The following SPOCK1 variants were observed in gnomAD, a reference collection of about 807,000 sequenced individuals.
SPOCK1 encodes the protein SPARC (osteonectin), cwcv and kazal like domains proteoglycan 1, also known as testican-1.
Under a neutral mutation model 55.3 loss-of-function variants are expected in SPOCK1, and 23 were observed. That is an observed-to-expected ratio of 0.42 (90% CI 0.30 to 0.59). The LOEUF (loss-of-function observed/expected upper bound fraction) is 0.59. Ranked by LOEUF, SPOCK1 falls within the 20% of genes least tolerant of loss-of-function variation. SPOCK1 has a pLI of 0.22. For missense variants in SPOCK1, 499 were observed against 552.5 expected (o/e 0.90, Z 0.97); for synonymous variants, 226 against 221.0 (o/e 1.02, Z -0.20).
chr5:137,053,659 T>TG (rs1346907596), intron 6 of SPOCK1, among the ~76,000 whole-genome samples: 1 of 104,804 alleles, frequency 9.5e-6, no homozygotes, highest in African/African-American at 3.8e-5. Context: ...CCTTAATGGG[T>TG]GGGGGGTGGG....
At chr5:137,468,111 A>G (rs927666803) in intron 2 of SPOCK1, among the ~76,000 whole-genome samples, 16 of 152,208 alleles carry the variant, frequency 1.1e-4, no homozygotes, top group East Asian at 1.9e-4. Context: ...TCTCACTCCA[A>G]TGGATTGCTG....
chr5:137,283,840 A>G (rs1757215074), intron 2 of SPOCK1, among the ~76,000 whole-genome samples: 1 of 152,206 alleles, frequency 6.6e-6, no homozygotes, highest in South Asian at 2.1e-4. Context: ...ATGTGAAAAC[A>G]TTTTCTACTA....
rs141934684 is a variant in SPOCK1 at position 137,017,487 on chromosome 5, G to A, written c.590-24887C>T. Among the ~76,000 whole-genome samples, 166 of 152,252 alleles carry A rather than the reference G, an allele frequency of 1.1e-3. 1 individual carries two copies. Among genetic ancestry groups the A allele is most frequent in the African/African-American group, 3.7e-3 (153 of 41,540 alleles). ...TATGTAAACAAATAATATGTAAGTA[G>A]GGTCTTTGCTCTAATAATTAAAAAC... On this transcript the variant is annotated intron_variant, in intron 6 of 10. Transcript: ENST00000394945.
At chr5:137,432,705 C>T (rs1458345044) in intron 2 of SPOCK1, among the ~76,000 whole-genome samples, 3 of 152,036 alleles carry the variant, frequency 2.0e-5, no homozygotes, top group African/African-American at 4.8e-5. Context: ...ATACTTAATG[C>T]CACAGAAGTT....
intron 3 of SPOCK1, among the ~76,000 whole-genome samples, chr5:137,232,713 AC>A (rs1355184530): frequency 2.0e-5 from 3 of 152,182 alleles, no homozygotes; most frequent in Non-Finnish European, 4.4e-5. Flanking sequence ...ATCCATGTTT[AC>A]CAAAAAACCT....
At chr5:137,325,809 G>A (rs555867714) in intron 2 of SPOCK1, among the ~76,000 whole-genome samples, 131 of 152,330 alleles carry the variant, frequency 8.6e-4, no homozygotes, top group African/African-American at 2.8e-3. Flanking sequence ...TAGTTTACAC[G>A]GGGCAACCAG....
chr5:137,397,987 A>T (rs1374255596), intron 2 of SPOCK1, among the ~76,000 whole-genome samples: 3 of 152,172 alleles, frequency 2.0e-5, no homozygotes, highest in Admixed American at 6.5e-5. Flanking sequence ...ACCTAAAAGA[A>T]GGAAGATGAA....
At chr5:137,293,089 A>ATTTTTTTTTTTTTT (rs531537488) in intron 2 of SPOCK1, among the ~76,000 whole-genome samples, 13 of 100,844 alleles carry the variant, frequency 1.3e-4, no homozygotes, top group Non-Finnish European at 1.5e-4. Context: ...GGTTTGTTGA[A>ATTTTTTTTTTTTTT]TTTTTTTTTT....
chr5:137,425,544 T>C (rs1343160897), intron 2 of SPOCK1, among the ~76,000 whole-genome samples: 1 of 152,126 alleles, frequency 6.6e-6, no homozygotes, highest in Non-Finnish European at 1.5e-5. Flanking sequence ...AACACAGCAC[T>C]ACAAAGAACT....
chr5:137,114,239 G>A (rs376856802), intron 4 of SPOCK1, among the ~76,000 whole-genome samples: 7 of 152,190 alleles, frequency 4.6e-5, no homozygotes, highest in African/African-American at 1.4e-4. Context: ...CAACTTGCTT[G>A]TCTTACTAGC....
intron 2 of SPOCK1, among the ~76,000 whole-genome samples, chr5:137,451,279 C>A (rs1205033494): frequency 6.6e-6 from 1 of 152,152 alleles, no homozygotes; most frequent in Non-Finnish European, 1.5e-5. Flanking sequence ...CTCTGCTTAC[C>A]CCCAAACACT....
chr5:137,490,078 C>A (rs970548805), intron 2 of SPOCK1, among the ~76,000 whole-genome samples: 2 of 152,204 alleles, frequency 1.3e-5, no homozygotes, highest in Non-Finnish European at 2.9e-5. Flanking sequence ...ATCTTCTTCA[C>A]CCGACACCTA....
intron 2 of SPOCK1, among the ~76,000 whole-genome samples, chr5:137,489,559 G>C (rs1001843638): frequency 6.6e-6 from 1 of 152,162 alleles, no homozygotes; most frequent in Admixed American, 6.5e-5. Context: ...AATAGAGATG[G>C]CTGCAGAAGA....
intron 6 of SPOCK1, among the ~76,000 whole-genome samples, chr5:137,042,355 A>C (rs1383386493): frequency 1.3e-5 from 2 of 152,192 alleles, no homozygotes; most frequent in East Asian, 3.8e-4. Context: ...TTAGAGTAAT[A>C]AAACTATTTG....
chr5:137,444,959 G>A (rs1195924100), intron 2 of SPOCK1, among the ~76,000 whole-genome samples: 2 of 152,192 alleles, frequency 1.3e-5, no homozygotes, highest in African/African-American at 4.8e-5. Context: ...AAGAGGCTCT[G>A]ATCTTGGGTT....
chr5:137,156,197 AAT>A (rs1239768562), intron 3 of SPOCK1, among the ~76,000 whole-genome samples: 1 of 152,072 alleles, frequency 6.6e-6, no homozygotes, highest in African/African-American at 2.4e-5. Context: ...GGCCCATAGC[AAT>A]ATAATACTTT....
In SPOCK1 at chr5:137,140,699, G is replaced by C. The variant is rs1158983028; in HGVS notation, c.233-5C>G. ...GGTCCTTGGATGGGTCCAGGGCTGA[G>C]GCAAAAACAAGAAGGAGGGCAGGGT... is the stretch of plus-strand genomic sequence containing the variant. On this transcript the variant is annotated splice_region_variant and splice_polypyrimidine_tract_variant and intron_variant, in intron 3 of 10. Coordinates refer to ENST00000394945, the MANE Select transcript of SPOCK1 (RefSeq NM_004598.4). The C allele has an allele frequency of 6.4e-7, 1 of 1,565,648 alleles. No individual in the cohort carries two copies. The highest frequency in any genetic ancestry group is 8.6e-7 in the Non-Finnish European group (1 of 1,157,400).
chr5:137,071,732 C>A (rs1490737915), intron 5 of SPOCK1, among the ~76,000 whole-genome samples: 1 of 152,130 alleles, frequency 6.6e-6, no homozygotes, highest in Non-Finnish European at 1.5e-5. Context: ...CCTGAGCCCA[C>A]GGCCTCCCAC....
At chr5:137,460,736 G>T (rs1296840063) in intron 2 of SPOCK1, among the ~76,000 whole-genome samples, 1 of 140,796 alleles carries the variant, frequency 7.1e-6, no homozygotes, top group African/African-American at 2.7e-5. Flanking sequence ...GATCTACATG[G>T]CCCTGTATGA....
Sources: gnomAD v4.1 joint callset for allele counts (sites outside exome capture counted in the v4.1 genomes callset) on GRCh38, gnomAD v4.1.1 for gene constraint, MANE v1.5 for transcripts, NCBI Gene and HGNC (gene_info 2026-07-23, HGNC 2026-07-21) for gene names.